Variants in TSGA10 observed in about 807,000 individuals in gnomAD.
TSGA10 encodes testis specific 10, also known as testis-specific gene 10 protein.
Under a neutral mutation model 96.6 loss-of-function variants are expected in TSGA10, and 43 were observed. The observed-to-expected ratio is 0.44, with a 90% CI of 0.35 to 0.57. The LOEUF (loss-of-function observed/expected upper bound fraction) is 0.57. Ranked by LOEUF, TSGA10 falls within the 20% of genes least tolerant of loss-of-function variation. The pLI, the probability that TSGA10 is intolerant of heterozygous loss-of-function variation, is 0.01. For synonymous variants in TSGA10, 229 were observed against 269.9 expected, an observed-to-expected ratio of 0.85 and a Z score of 1.48; for missense variants, 703 against 834.4, an observed-to-expected ratio of 0.84 and a Z score of 1.94.
At chr2:99,143,181 G>A (rs1355100309) in intron 1 of TSGA10, among the ~76,000 whole-genome samples, 3 of 113,146 alleles carry the variant, frequency 2.7e-5, no homozygotes, top group African/African-American at 1.0e-4. Context: ...TCACTCTGTC[G>A]CCCAGGCTGG....
At chr2:99,039,662 G>A (rs2082008953) in intron 16 of TSGA10, among the ~76,000 whole-genome samples, 1 of 151,974 alleles carries the variant, frequency 6.6e-6, no homozygotes. Context: ...AAAAGTCCAG[G>A]ACCAGATGAA....
At chr2:99,130,981 T>C (rs925021567) in intron 1 of TSGA10, among the ~76,000 whole-genome samples, 7 of 152,150 alleles carry the variant, frequency 4.6e-5, no homozygotes, top group African/African-American at 1.7e-4. Context: ...CATTGGTATA[T>C]ATATATTGGT....
At chr2:99,097,538 T>C (rs1273015476) in intron 10 of TSGA10, among the ~76,000 whole-genome samples, 2 of 152,186 alleles carry the variant, frequency 1.3e-5, no homozygotes, top group Non-Finnish European at 2.9e-5. Context: ...TTCTTGCAAT[T>C]CTCAGGTAAT....
intron 4 of TSGA10, among the ~76,000 whole-genome samples, chr2:99,113,379 A>C (rs1480763936): frequency 6.6e-6 from 1 of 152,032 alleles, no homozygotes; most frequent in Non-Finnish European, 1.5e-5. Context: ...GGGAGAGGGG[A>C]AGGTGGAGGG....
intron 17 of TSGA10, among the ~76,000 whole-genome samples, chr2:99,026,203 T>C (rs2105002854): frequency 6.6e-6 from 1 of 152,364 alleles, no homozygotes; most frequent in South Asian, 2.1e-4. Flanking sequence ...CAACTATTAC[T>C]GTTGAACTGT....
chr2:99,093,779 C>T (rs780787368), intron 10 of TSGA10, among the ~76,000 whole-genome samples: 10 of 152,086 alleles, frequency 6.6e-5, no homozygotes, highest in Admixed American at 1.3e-4. Context: ...AAACATGTCC[C>T]GTGCTCATGG....
intron 16 of TSGA10, among the ~76,000 whole-genome samples, chr2:99,042,806 T>G (rs998066695): frequency 6.6e-6 from 1 of 151,584 alleles, no homozygotes; most frequent in Non-Finnish European, 1.5e-5. Context: ...CAGGTTCAAG[T>G]GATTCTCCTG....
intron 1 of TSGA10, chr2:99,141,093 G>C: frequency 2.3e-6 from 3 of 1,283,212 alleles, no homozygotes; most frequent in Non-Finnish European, 3.0e-6. Context: ...CTGGAGCTCC[G>C]GGTCCCTCCC....
At chr2:99,114,790 A>G (rs1254632916) in intron 4 of TSGA10, among the ~76,000 whole-genome samples, 3 of 152,170 alleles carry the variant, frequency 2.0e-5, no homozygotes, top group East Asian at 1.9e-4. Context: ...ACAACCCTTT[A>G]AAAGTGATGT....
intron 2 of TSGA10, chr2:99,125,767 G>T (rs2092792136): frequency 6.6e-6 from 1 of 152,214 alleles, no homozygotes; most frequent in African/African-American, 2.4e-5. Context: ...GGTGTTCCTA[G>T]ATACTGCTAG....
At position 99,127,168 on chromosome 2, in the gene TSGA10, G is replaced by C. The variant is rs2092871359; in HGVS notation, c.-612C>G. 7.8e-7 allele frequency: 1 copy of C among 1,285,764 alleles called. No individual in the cohort carries two copies. Among genetic ancestry groups the C allele is most frequent in the Non-Finnish European group, 1.0e-6 (1 of 987,684 alleles). The allele number at this position is 1,285,764 out of a possible 1,614,324, so 79.6% of individuals were successfully genotyped here. A position where few individuals can be genotyped will look rare whatever the true frequency, so the allele number is the denominator to read the frequency against. On this transcript the variant is annotated 5_prime_UTR_variant, in exon 2 of 21. Coordinates refer to ENST00000393483, the MANE Select transcript of TSGA10 (RefSeq NM_025244.4). Reference sequence around the variant, plus strand: ...CCCCTAGACCAAAATCATATTCTTTGGTGGTAACCTAGTACAAAGAATGGG... The same window carrying C: ...CCCCTAGACCAAAATCATATTCTTTCGTGGTAACCTAGTACAAAGAATGGG...
At chr2:99,133,092 A>T (rs893083516) in intron 1 of TSGA10, among the ~76,000 whole-genome samples, 7 of 152,142 alleles carry the variant, frequency 4.6e-5, no homozygotes, top group Non-Finnish European at 1.0e-4. Context: ...AGTTCTGTAG[A>T]TGTCTGTTAG....
intron 16 of TSGA10, among the ~76,000 whole-genome samples, chr2:99,042,939 T>A (rs970048133): frequency 6.6e-6 from 1 of 152,044 alleles, no homozygotes; most frequent in Non-Finnish European, 1.5e-5. Context: ...CCTCAGGTGA[T>A]CCTCCCGCCT....
chr2:99,036,138 G>C (rs2081607335), intron 16 of TSGA10, among the ~76,000 whole-genome samples: 1 of 152,070 alleles, frequency 6.6e-6, no homozygotes, highest in Non-Finnish European at 1.5e-5. Context: ...GTATTTGTTT[G>C]CTATAATGTG....
chr2:99,145,120 CCTTT>C (rs2093619121), intron 1 of TSGA10, among the ~76,000 whole-genome samples: 1 of 152,152 alleles, frequency 6.6e-6, no homozygotes, highest in African/African-American at 2.4e-5. Flanking sequence ...GGGAAAATCC[CCTTT>C]CTTGCCTTTC....
At chr2:99,095,130 A>T (rs989135938) in intron 10 of TSGA10, among the ~76,000 whole-genome samples, 1 of 152,228 alleles carries the variant, frequency 6.6e-6, no homozygotes, top group Non-Finnish European at 1.5e-5. Context: ...CATTATTCTA[A>T]GGGAAGTAAC....
chr2:99,087,051 A>G (rs1450195458), intron 10 of TSGA10, among the ~76,000 whole-genome samples: 1 of 152,010 alleles, frequency 6.6e-6, no homozygotes, highest in Non-Finnish European at 1.5e-5. Flanking sequence ...AAAAATACAA[A>G]AAATTAGCCA....
intron 17 of TSGA10, among the ~76,000 whole-genome samples, chr2:99,031,405 A>G (rs1270295136): frequency 6.6e-6 from 1 of 151,988 alleles, no homozygotes; most frequent in Non-Finnish European, 1.5e-5. Context: ...AACATTTAGA[A>G]TAAGAAGTAG....
At chr2:99,021,950 T>C (rs2080056915) in intron 17 of TSGA10, among the ~76,000 whole-genome samples, 1 of 152,174 alleles carries the variant, frequency 6.6e-6, no homozygotes, top group Non-Finnish European at 1.5e-5. Flanking sequence ...ATAATTCACA[T>C]GCCATCAATG....
Sources: gnomAD v4.1 joint callset for allele counts (sites outside exome capture counted in the v4.1 genomes callset) on GRCh38, gnomAD v4.1.1 for gene constraint, MANE v1.5 for transcripts, NCBI Gene and HGNC (gene_info 2026-07-23, HGNC 2026-07-21) for gene names.